Variants in SRGAP3 observed in about 807,000 individuals in gnomAD.
SRGAP3 encodes SLIT-ROBO Rho GTPase-activating protein 3.
SRGAP3 carries 39 observed loss-of-function variants against 121.1 expected under a neutral mutation model. That is an observed-to-expected ratio of 0.32 (90% CI 0.25 to 0.42). The LOEUF (loss-of-function observed/expected upper bound fraction) is 0.42. SRGAP3 is among the 10% of genes least tolerant of loss of function. The pLI, the probability that SRGAP3 is intolerant of heterozygous loss-of-function variation, is 1.00. For missense variants in SRGAP3, 1,213 were observed against 1,470.6 expected, an observed-to-expected ratio of 0.82 and a Z score of 2.86; for synonymous variants, 601 against 570.0, an observed-to-expected ratio of 1.05 and a Z score of -0.77.
chr3:9,092,301 A>G (rs192436807), intron 3 of SRGAP3, among the ~76,000 whole-genome samples: 1 of 152,312 alleles, frequency 6.6e-6, no homozygotes, highest in East Asian at 1.9e-4. Flanking sequence ...AATACTAAAT[A>G]TTATTAATAA....
At chr3:9,199,693 T>C (rs749546395) in intron 1 of SRGAP3, among the ~76,000 whole-genome samples, 4 of 152,244 alleles carry the variant, frequency 2.6e-5, no homozygotes, top group Non-Finnish European at 5.9e-5. Flanking sequence ...TGGCTGTGTC[T>C]CTTCCTAGTT....
intron 1 of SRGAP3, among the ~76,000 whole-genome samples, chr3:9,341,010 C>T (rs1024498539): frequency 2.0e-5 from 3 of 152,136 alleles, no homozygotes; most frequent in African/African-American, 4.8e-5. Flanking sequence ...TTGGTGAGGG[C>T]CTTCTTCCTG....
intron 4 of SRGAP3, among the ~76,000 whole-genome samples, chr3:9,073,268 C>T (rs552220998): frequency 2.6e-5 from 4 of 152,284 alleles, no homozygotes; most frequent in East Asian, 1.9e-4. Flanking sequence ...CTCAACCTCC[C>T]GGGTAGCTGC....
intron 7 of SRGAP3, among the ~76,000 whole-genome samples, chr3:9,056,603 A>C (rs1212437892): frequency 6.6e-6 from 1 of 152,242 alleles, no homozygotes; most frequent in Non-Finnish European, 1.5e-5. Context: ...AAGCATGTGA[A>C]GGTTTACAAA....
intron 1 of SRGAP3, among the ~76,000 whole-genome samples, chr3:9,341,564 T>C (rs1165024653): frequency 1.3e-5 from 2 of 152,222 alleles, no homozygotes; most frequent in East Asian, 3.9e-4. Flanking sequence ...ACACAGGCTG[T>C]GCTGTGGTCC....
intron 1 of SRGAP3, among the ~76,000 whole-genome samples, chr3:9,125,167 C>T (rs2075336): frequency 0.12 from 18,261 of 152,154 alleles, 1,174 homozygotes; most frequent in African/African-American, 0.14. Flanking sequence ...GTCACCACCA[C>T]GATTTTTGCC....
At chr3:9,328,080 C>T (rs1955548121) in intron 2 of SRGAP3, among the ~76,000 whole-genome samples, 1 of 152,132 alleles carries the variant, frequency 6.6e-6, no homozygotes, top group African/African-American at 2.4e-5. Context: ...CTAATATCTG[C>T]CCTGCATAAT....
chr3:9,298,315 A>C (rs1449978396), intron 3 of SRGAP3, among the ~76,000 whole-genome samples: 1 of 152,172 alleles, frequency 6.6e-6, no homozygotes, highest in Non-Finnish European at 1.5e-5. Context: ...AAACATAATT[A>C]CTCTGGTCTT....
At chr3:9,232,223 C>T (rs1392133001) in intron 1 of SRGAP3, among the ~76,000 whole-genome samples, 1 of 152,158 alleles carries the variant, frequency 6.6e-6, no homozygotes, top group Non-Finnish European at 1.5e-5. Context: ...TTTTACAGTT[C>T]AGCTGATGTC....
intron 2 of SRGAP3, among the ~76,000 whole-genome samples, chr3:9,105,467 T>G (rs1194945869): frequency 6.6e-6 from 1 of 152,170 alleles, no homozygotes; most frequent in Non-Finnish European, 1.5e-5. Context: ...CAATGACTGA[T>G]AGGTTATTAG....
chr3:9,123,787 CAGAGAG>C (rs150619593), intron 2 of SRGAP3, among the ~76,000 whole-genome samples: 9 of 133,752 alleles, frequency 6.7e-5, no homozygotes, highest in East Asian at 2.1e-4. Context: ...TGTGTATACA[CAGAGAG>C]AGAGAGAGAG....
intron 4 of SRGAP3, among the ~76,000 whole-genome samples, chr3:9,071,555 T>C (rs1236796692): frequency 6.6e-6 from 1 of 152,034 alleles, no homozygotes; most frequent in East Asian, 1.9e-4. Flanking sequence ...ACCATTTTTG[T>C]CACCACATGG....
In SRGAP3 at chr3:8,992,970, T is replaced by C. The variant is rs754999375; in HGVS notation, c.2494A>G (p.Lys832Glu). Residue 832 changes from lysine (K) to glutamate (E), a missense_variant, in exon 20 of 22, where the codon AAA becomes GAA. Physicochemically the swap from Lys to Glu is moderately conservative, Grantham distance 56. Around this residue, in one of 2 missense-constraint regions of SRGAP3, gnomAD observed 420 missense variants for 437.7 expected, o/e 0.96. Transcript: ENST00000383836. ...TCCGTGGGGGACTGGAGGTCGTTTT[T>C]GGAAGAGGCCTTGTCATCCAGCAAT... ...GPLLDDKASS[K>E]NDLQSPTEHI... 1.2e-6 allele frequency: 2 copies of C among 1,614,232 alleles called. No homozygotes were observed. Among genetic ancestry groups the C allele is most frequent in the Non-Finnish European group, 1.7e-6 (2 of 1,180,032 alleles).
intron 3 of SRGAP3, among the ~76,000 whole-genome samples, chr3:9,091,726 G>A (rs939962011): frequency 2.6e-5 from 4 of 152,084 alleles, no homozygotes; most frequent in African/African-American, 4.8e-5. Flanking sequence ...CCGGGCTATC[G>A]GCTCTCCATC....
At chr3:9,143,430 G>A (rs995762437) in intron 1 of SRGAP3, among the ~76,000 whole-genome samples, 8 of 152,134 alleles carry the variant, frequency 5.3e-5, no homozygotes, top group African/African-American at 1.9e-4. Flanking sequence ...ACTCTCTTAT[G>A]TTCTCCCTTC....
At chr3:9,099,107 C>T (rs1003505135) in intron 3 of SRGAP3, among the ~76,000 whole-genome samples, 4 of 152,168 alleles carry the variant, frequency 2.6e-5, no homozygotes, top group African/African-American at 7.2e-5. Context: ...CTTTTGATCT[C>T]GGTTACAAAG....
At chr3:9,094,515 C>T (rs1035599249) in intron 3 of SRGAP3, among the ~76,000 whole-genome samples, 1 of 152,094 alleles carries the variant, frequency 6.6e-6, no homozygotes, top group African/African-American at 2.4e-5. Flanking sequence ...TCAAAAGGTC[C>T]ATACCCCTTC....
intron 3 of SRGAP3, among the ~76,000 whole-genome samples, chr3:9,299,359 CAAA>C (rs35608018): frequency 1.6e-4 from 15 of 91,240 alleles, no homozygotes; most frequent in South Asian, 3.5e-4. Context: ...GACTCCGTCC[CAAA>C]AAAAAAAAAA....
intron 1 of SRGAP3, among the ~76,000 whole-genome samples, chr3:9,344,743 T>TA (rs556672579): frequency 4.6e-4 from 70 of 152,208 alleles, no homozygotes; most frequent in African/African-American, 1.6e-3. Flanking sequence ...TTCCTAATAT[T>TA]AAAAAAATAT....
Sources: allele counts gnomAD v4.1 joint callset (sites outside exome capture counted in the v4.1 genomes callset), GRCh38; gene constraint gnomAD v4.1.1; regional missense constraint gnomAD v4.1.1; transcripts MANE v1.5; gene names NCBI Gene and HGNC (gene_info 2026-07-23, HGNC 2026-07-21).